ERAL1: variants seen among roughly 807,000 people sequenced by gnomAD.
ERAL1 encodes Era like 12S mitochondrial rRNA chaperone 1.
In ERAL1, 36 loss-of-function variants were observed where a neutral mutation model predicts 53.6. The observed-to-expected ratio is 0.67, with a 90% CI of 0.51 to 0.89. The LOEUF (loss-of-function observed/expected upper bound fraction) is 0.89. ERAL1 is among the 40% of genes least tolerant of loss of function. The pLI is 0.00. For missense variants in ERAL1, 512 were observed against 537.5 expected, an observed-to-expected ratio of 0.95 and a Z score of 0.47; for synonymous variants, 215 against 211.8, an observed-to-expected ratio of 1.02 and a Z score of -0.13.
Position 28,856,271 on chromosome 17 carries a change from G to A in ERAL1, c.291G>A (p.Gln97=). ...CTTCCCACTTGCACATAGATGAGCA[G>A]GATGTCCTCTTGGTCCATCACCCTG... ...VPAVSMNRDE[Q]DVLLVHHPDM... Residue 97 remains glutamine, a synonymous_variant, in exon 2 of 10, where the codon CAG becomes CAA. Coordinates refer to ENST00000254928, the MANE Select transcript of ERAL1 (RefSeq NM_005702.4). 6.2e-7 allele frequency: 1 copy of A among 1,613,978 alleles called. No individual in the cohort carries two copies. The highest frequency in any genetic ancestry group is 8.5e-7 in the Non-Finnish European group (1 of 1,179,912).
At chr17:28,856,885 G>A (rs2039252277) in intron 3 of ERAL1, among the ~76,000 whole-genome samples, 2 of 150,568 alleles carry the variant, frequency 1.3e-5, no homozygotes, top group South Asian at 4.2e-4. Flanking sequence ...CTAATTTTTT[G>A]TATTTTTAGT....
rs760920121 is a variant in ERAL1 at position 28,856,251 on chromosome 17, C to T, written c.284-13C>T. 11 of 1,613,702 alleles carry T rather than the reference C, an allele frequency of 6.8e-6. No homozygotes were observed. The highest frequency in any genetic ancestry group is 9.3e-6 in the Non-Finnish European group (11 of 1,179,732). ...TTCCACTGTGTCTCATGCTTCTTCC[C>T]ACTTGCACATAGATGAGCAGGATGT... On this transcript the variant is annotated splice_polypyrimidine_tract_variant and intron_variant, in intron 1 of 9. Coordinates refer to ENST00000254928, the MANE Select transcript of ERAL1 (RefSeq NM_005702.4).
At position 28,860,589 on chromosome 17, in the gene ERAL1, CAAGCTGCTGGCAGGAA is replaced by C; in HGVS notation, c.*37_*52del. 6.4e-7 allele frequency: 1 copy of C among 1,559,866 alleles called. No individual in the cohort carries two copies. Among genetic ancestry groups the C allele is most frequent in the Non-Finnish European group, 8.6e-7 (1 of 1,157,630 alleles). On this transcript the variant is annotated 3_prime_UTR_variant, in exon 10 of 10. Transcript: ENST00000254928. ...CTGACCCTCCCAGGGCATTCCAGCTCAAGCTGCTGGCAGGAACTGACCAGTTCTGTCCTTGGCTGGG... is the reference window on the plus strand; with the variant it reads ...CTGACCCTCCCAGGGCATTCCAGCTCCTGACCAGTTCTGTCCTTGGCTGGG...
At chr17:28,857,852 C>A in intron 3 of ERAL1, 87 bp from the exon 4 acceptor site, 1 of 1,431,526 alleles carries the variant, frequency 7.0e-7, no homozygotes, top group Non-Finnish European at 9.8e-7. Context: ...GGAGGGCAGG[C>A]TCCTGACATC....
intron 9 of ERAL1, 62 bp from the exon 10 acceptor site, chr17:28,860,369 G>A (rs978081692): frequency 6.3e-7 from 1 of 1,590,894 alleles, no homozygotes. Context: ...AGCCCCCCAA[G>A]TAGCTGGGAC....
intron 9 of ERAL1, among the ~76,000 whole-genome samples, chr17:28,860,205 G>A (rs1422857730): frequency 6.6e-6 from 1 of 152,054 alleles, no homozygotes; most frequent in Non-Finnish European, 1.5e-5. Context: ...TCGAACTCCT[G>A]ACCTCAGGTG....
In ERAL1 at chr17:28,858,179, A is replaced by G. The variant is rs1336246236; in HGVS notation, c.570A>G (p.Pro190=). The G allele has an allele frequency of 4.3e-6, 7 of 1,613,976 alleles. No homozygotes were observed. In the Admixed American group the frequency reaches 6.7e-5, roughly 15 times the overall value. The change falls in exon 5 of 10, where the codon CCA becomes CCG. Residue 190 remains proline (P), a synonymous_variant. Coordinates refer to ENST00000254928, the MANE Select transcript of ERAL1 (RefSeq NM_005702.4). ...HHLELSLLED[P]WKSMESADLV... The stretch of plus-strand genomic sequence containing the variant: ...TGGAGCTCTCTTTGTTGGAAGATCC[A>G]TGGAAGAGCATGGAATCTGCTGATC...
chr17:28,857,090 G>T (rs1028041642), intron 3 of ERAL1, among the ~76,000 whole-genome samples: 1 of 150,746 alleles, frequency 6.6e-6, no homozygotes, highest in Non-Finnish European at 1.5e-5. Context: ...TAGTCAGAAA[G>T]ATTTCATTCT....
chr17:28,855,201 G>A lies in ERAL1; in HGVS notation c.167G>A (p.Arg56His), dbSNP rs754516296. The change falls in exon 1 of 10, where the codon CGC becomes CAC. Residue 56 changes from arginine to histidine, a missense_variant. Transcript: ENST00000254928. ...GCGGGGTCCGCTTTCTCTGGTCCCC[G>A]CTTGGCCTCGGCTTCTCGCAGTAAT... Reference protein sequence around the residue: ...CVAGSAFSGPRLASASRSNGQ... With the variant: ...CVAGSAFSGPHLASASRSNGQ... The A allele has an allele frequency of 2.5e-6, 4 of 1,614,212 alleles. No homozygotes were observed. The highest frequency in any genetic ancestry group is 3.4e-6 in the Non-Finnish European group (4 of 1,180,038).
At chr17:28,855,445 A>G in intron 1 of ERAL1, 128 bp downstream of exon 1, 1 of 1,101,716 alleles carries the variant, frequency 9.1e-7, no homozygotes, top group Non-Finnish European at 1.2e-6. Flanking sequence ...GAGCAGTGAA[A>G]AATCTCTCAG....
Position 28,856,293 on chromosome 17 carries a change from C to T in ERAL1, c.313C>T (p.Pro105Ser), listed in dbSNP as rs895917519. 1.8e-5 allele frequency: 29 copies of T among 1,614,006 alleles called. No homozygotes were observed. Among genetic ancestry groups the T allele is most frequent in the South Asian group, 5.5e-5 (5 of 91,082 alleles). ...DEQDVLLVHH[P>S]DMPENSRVLR... ...GCAGGATGTCCTCTTGGTCCATCAC[C>T]CTGATATGCCTGAGAATTCCCGGGT... The change falls in exon 2 of 10, where the codon CCT (proline) becomes TCT (serine). Residue 105 changes from proline to serine, a missense_variant. By Grantham distance (74) the Pro-to-Ser change is moderately conservative. Coordinates refer to ENST00000254928, the MANE Select transcript of ERAL1 (RefSeq NM_005702.4).
rs1453988675 is a variant in ERAL1 at position 28,858,477 on chromosome 17, C to T, written c.702C>T (p.Val234=). ...ACTCCCAGATCCCTAGTGTCCTGGTCATGAACAAGGTGAGCACTACCCACC... is the reference window on the plus strand; with the variant it reads ...ACTCCCAGATCCCTAGTGTCCTGGTTATGAACAAGGTGAGCACTACCCACC... ...TKYSQIPSVL[V]MNKVDCLKQK... The change falls in exon 6 of 10, where the codon GTC becomes GTT. Residue 234 remains valine (V), a synonymous_variant. Coordinates refer to ENST00000254928, the MANE Select transcript of ERAL1 (RefSeq NM_005702.4). 3 of 1,614,116 alleles carry T rather than the reference C, an allele frequency of 1.9e-6. No homozygotes were observed. The highest frequency in any genetic ancestry group is 3.3e-5 in the Admixed American group (2 of 60,006).
At position 28,855,099 on chromosome 17, in the gene ERAL1, G is replaced by A. The variant is rs2039221686; in HGVS notation, c.65G>A (p.Gly22Asp). Residue 22 changes from glycine (G) to aspartate (D), a missense_variant, in exon 1 of 10, where the codon GGC becomes GAC. Coordinates refer to ENST00000254928, the MANE Select transcript of ERAL1 (RefSeq NM_005702.4). ...VQSVLRVWQV[G>D]PHVARERVIP... ...TCGGTGTTAAGAGTCTGGCAGGTGG[G>A]CCCTCATGTCGCGAGGGAGCGGGTG... The A allele has an allele frequency of 2.5e-6, 4 of 1,614,204 alleles. No homozygotes were observed. The highest frequency in any genetic ancestry group is 3.4e-6 in the Non-Finnish European group (4 of 1,180,032).
At chr17:28,855,511 G>T (rs566878142) in intron 1 of ERAL1, among the ~76,000 whole-genome samples, 194 bp downstream of exon 1, 3 of 152,268 alleles carry the variant, frequency 2.0e-5, no homozygotes, top group African/African-American at 7.2e-5. Flanking sequence ...AACCAGAGAC[G>T]CTCACTAAAG....
rs184588402 is a variant in ERAL1 at position 28,859,274 on chromosome 17, A to G, written c.1182A>G (p.Glu394=). The G allele has an allele frequency of 1.1e-5, 18 of 1,614,090 alleles. No homozygotes were observed. The highest frequency in any genetic ancestry group is 1.4e-5 in the Non-Finnish European group (17 of 1,180,004). ...AACAGAAGCTTCTGGTGCCCAAAGA[A>G]TCTTATGTGGTAAGTGAGACTAGGC... ...VIQQKLLVPK[E]SYVKLLIGPK... Residue 394 remains glutamate, a synonymous_variant, in exon 9 of 10, where the codon GAA becomes GAG. Transcript: ENST00000254928.
At chr17:28,855,339 G>T (rs777217460) in intron 1 of ERAL1, 22 bp downstream of exon 1, 4 of 1,545,428 alleles carry the variant, frequency 2.6e-6, no homozygotes, top group Non-Finnish European at 1.7e-6. Flanking sequence ...TGATAGGTTT[G>T]CTCGGAACTG....
chr17:28,860,309 G>A lies in ERAL1; in HGVS notation c.1192-122G>A, dbSNP rs1293569254. The A allele has an allele frequency of 5.0e-6, 6 of 1,191,246 alleles. No homozygotes were observed. In the African/African-American group the frequency reaches 6.2e-5, roughly 12 times the overall value. 73.8% of individuals were successfully genotyped at this position (1,191,246 alleles called of 1,614,324 possible). A position where few individuals can be genotyped will look rare whatever the true frequency, so the allele number is the denominator to read the frequency against. On this transcript the variant is annotated intron_variant, in intron 9 of 9. Transcript: ENST00000254928. ...CTTTTTTTTAAAGAGGGGTCGCACTGTTACCCAGGCTGGACTCAAACTCCT... is the reference window on the plus strand; with the variant it reads ...CTTTTTTTTAAAGAGGGGTCGCACTATTACCCAGGCTGGACTCAAACTCCT...
At chr17:28,855,379 G>T (rs2039228283) in intron 1 of ERAL1, 62 bp downstream of exon 1, 3 of 1,493,138 alleles carry the variant, frequency 2.0e-6, no homozygotes, top group African/African-American at 1.4e-5. Flanking sequence ...AGGTTTCTGG[G>T]GATACTGTCT....
At chr17:28,855,493 C>T (rs1475372606) in intron 1 of ERAL1, among the ~76,000 whole-genome samples, 176 bp downstream of exon 1, 2 of 152,164 alleles carry the variant, frequency 1.3e-5, no homozygotes, top group East Asian at 1.9e-4. Context: ...AGGAAACGAT[C>T]TGGTCACAAC....
Sources: gnomAD v4.1 joint callset for allele counts (sites outside exome capture counted in the v4.1 genomes callset) on GRCh38, gnomAD v4.1.1 for gene constraint, MANE v1.5 for transcripts, NCBI Gene and HGNC (gene_info 2026-07-23, HGNC 2026-07-21) for gene names.